MICU1: variants seen among roughly 807,000 people sequenced by gnomAD.
MICU1 encodes calcium uptake protein 1, mitochondrial.
In MICU1, 45 loss-of-function variants were observed where a neutral mutation model predicts 56.8. The observed-to-expected ratio is 0.79, with a 90% CI of 0.62 to 1.02. MICU1 has a LOEUF of 1.02. Ranked by LOEUF, MICU1 falls within the 50% of genes least tolerant of loss-of-function variation. MICU1 has a pLI of 0.00. For synonymous variants in MICU1, 186 were observed against 195.1 expected (o/e 0.95, Z 0.39); for missense variants, 504 against 587.1 (o/e 0.86, Z 1.46).
chr10:72,423,548 T>A (rs1421831597), intron 8 of MICU1, among the ~76,000 whole-genome samples, 177 bp from the exon 9 acceptor site: 1 of 152,174 alleles, frequency 6.6e-6, no homozygotes, highest in Non-Finnish European at 1.5e-5. Context: ...TAGGTTCTTA[T>A]CCCAGATCTG....
chr10:72,458,322 T>C (rs1436203615), intron 8 of MICU1, among the ~76,000 whole-genome samples: 2 of 152,132 alleles, frequency 1.3e-5, no homozygotes, highest in African/African-American at 2.4e-5. Context: ...ATGACCAATA[T>C]CCTATATTCA....
At chr10:72,526,743 G>A (rs1160310112) in intron 5 of MICU1, among the ~76,000 whole-genome samples, 1 of 151,970 alleles carries the variant, frequency 6.6e-6, no homozygotes, top group Non-Finnish European at 1.5e-5. Context: ...GTAGAGACAG[G>A]ATTCCAAATT....
At chr10:72,518,824 G>C in intron 5 of MICU1, among the ~76,000 whole-genome samples, 1 of 152,120 alleles carries the variant, frequency 6.6e-6, no homozygotes, top group Admixed American at 6.6e-5. Flanking sequence ...GGGATTACAG[G>C]CATGTGCCAC....
chr10:72,421,294 C>T (rs1018538014), intron 9 of MICU1, among the ~76,000 whole-genome samples: 1 of 151,264 alleles, frequency 6.6e-6, no homozygotes, highest in Admixed American at 6.6e-5. Context: ...TTCGTTCTTT[C>T]TCCCACGCTG....
intron 5 of MICU1, among the ~76,000 whole-genome samples, chr10:72,532,027 G>A: frequency 6.6e-6 from 1 of 151,178 alleles, no homozygotes. Context: ...ACCAAAAAAA[G>A]TTATTTATTG....
intron 5 of MICU1, among the ~76,000 whole-genome samples, chr10:72,519,125 T>C (rs915979442): frequency 6.6e-6 from 1 of 152,220 alleles, no homozygotes; most frequent in African/African-American, 2.4e-5. Context: ...AGAATGCAGG[T>C]CAAATGACAA....
At chr10:72,497,898 T>C (rs1223631832) in intron 6 of MICU1, among the ~76,000 whole-genome samples, 1 of 152,224 alleles carries the variant, frequency 6.6e-6, no homozygotes, top group Admixed American at 6.5e-5. Flanking sequence ...CTAAATACAA[T>C]ATCAGGTGCT....
rs541410264 is a variant in MICU1 at position 72,476,511 on chromosome 10, G to A, written c.735+663C>T. 2.8e-3 allele frequency among the ~76,000 whole-genome samples: 419 copies of A among 152,266 alleles called. 1 individual carries two copies. Among genetic ancestry groups the A allele is most frequent in the African/African-American group, 9.6e-3 (400 of 41,554 alleles). On this transcript the variant is annotated intron_variant, in intron 7 of 11. Coordinates refer to ENST00000361114, the MANE Select transcript of MICU1 (RefSeq NM_001195518.2). ...CCCAAAGTGCTGGGATTATAAGCAT[G>A]AGTGATCGTGTTCAGCCCAGTTTCT...
rs113493810 is a variant in MICU1, at chr10:72,420,678, A to AT, written c.1071+2555dup. 1.2e-3 allele frequency among the ~76,000 whole-genome samples: 166 copies of AT among 139,254 alleles called. 1 individual carries two copies. The highest frequency in any genetic ancestry group is 3.1e-3 in the East Asian group (15 of 4,794). The allele number at this position is 139,254 out of a possible 152,430, so 91.4% of individuals were successfully genotyped here. A position where few individuals can be genotyped will look rare whatever the true frequency, so the allele number is the denominator to read the frequency against. ...TGTGTGTGTTCTCTTAGAGGCCTGG[A>AT]TTTTTTTTTTTTTTAAGACAAGGTC... is the stretch of plus-strand genomic sequence containing the variant. On this transcript the variant is annotated intron_variant, in intron 9 of 11. Transcript: ENST00000361114.
chr10:72,577,944 T>C (rs1475617058), intron 1 of MICU1, among the ~76,000 whole-genome samples: 1 of 152,210 alleles, frequency 6.6e-6, no homozygotes, highest in Non-Finnish European at 1.5e-5. Context: ...ATTTACAATA[T>C]TCCATAAACT....
chr10:72,532,399 T>C (rs1003860635), intron 5 of MICU1, among the ~76,000 whole-genome samples: 1 of 152,202 alleles, frequency 6.6e-6, no homozygotes, highest in Non-Finnish European at 1.5e-5. Context: ...CCAAGGAATA[T>C]GTGATTGACT....
At chr10:72,564,143 AC>A (rs1036170591) in intron 2 of MICU1, among the ~76,000 whole-genome samples, 2 of 152,240 alleles carry the variant, frequency 1.3e-5, no homozygotes, top group Non-Finnish European at 2.9e-5. Flanking sequence ...AATGGAGCAA[AC>A]GATAATAGAT....
intron 1 of MICU1, among the ~76,000 whole-genome samples, chr10:72,620,422 G>C (rs1454353490): frequency 1.3e-5 from 2 of 152,170 alleles, no homozygotes; most frequent in African/African-American, 4.8e-5. Flanking sequence ...CTGACCTCAA[G>C]TGATTCTCCT....
At chr10:72,582,966 G>A (rs1389023662) in intron 1 of MICU1, 1 of 152,236 alleles carries the variant, frequency 6.6e-6, no homozygotes, top group Non-Finnish European at 1.5e-5. Context: ...GCCTAAGGAG[G>A]GGTGAACCAG....
intron 1 of MICU1, among the ~76,000 whole-genome samples, chr10:72,624,906 G>A (rs542386830): frequency 6.6e-6 from 1 of 152,200 alleles, no homozygotes; most frequent in Admixed American, 6.5e-5. Context: ...TCATTACCTG[G>A]TCCACACCAG....
At chr10:72,524,058 G>T in intron 5 of MICU1, 2 of 1,073,776 alleles carry the variant, frequency 1.9e-6, no homozygotes, top group Non-Finnish European at 2.4e-6. Context: ...TTTTTAACTT[G>T]AAGTTACTGT....
chr10:72,485,276 C>G (rs1300107187), intron 6 of MICU1, among the ~76,000 whole-genome samples: 2 of 151,812 alleles, frequency 1.3e-5, no homozygotes, highest in Non-Finnish European at 2.9e-5. Flanking sequence ...CAGGGGCTTG[C>G]TATGTTGCCC....
intron 3 of MICU1, among the ~76,000 whole-genome samples, chr10:72,558,039 A>T (rs1450766728): frequency 6.6e-6 from 1 of 152,266 alleles, no homozygotes; most frequent in African/African-American, 2.4e-5. Flanking sequence ...TCAAACAAAT[A>T]GCTCAGAAAC....
intron 4 of MICU1, among the ~76,000 whole-genome samples, chr10:72,542,655 C>A (rs1839802498): frequency 6.6e-6 from 1 of 152,222 alleles, no homozygotes; most frequent in African/African-American, 2.4e-5. Flanking sequence ...GCTCTGCCAT[C>A]CACAGATGGC....
Sources: gnomAD v4.1 joint callset for allele counts (sites outside exome capture counted in the v4.1 genomes callset) on GRCh38, gnomAD v4.1.1 for gene constraint, MANE v1.5 for transcripts, NCBI Gene and HGNC (gene_info 2026-07-23, HGNC 2026-07-21) for gene names.